CEP20: variants seen among roughly 807,000 people sequenced by gnomAD.
CEP20 encodes FGFR1OP N-terminal like.
Under a neutral mutation model 20.0 loss-of-function variants are expected in CEP20, and 18 were observed. The observed-to-expected ratio is 0.90, with a 90% CI of 0.62 to 1.34. The LOEUF is 1.34. CEP20 is among the 40% of genes most tolerant of loss of function. CEP20 has a pLI of 0.00. For synonymous variants in CEP20, 77 were observed against 73.7 expected, an observed-to-expected ratio of 1.04 and a Z score of -0.23; for missense variants, 215 against 201.6, an observed-to-expected ratio of 1.07 and a Z score of -0.40.
intron 4 of CEP20, among the ~76,000 whole-genome samples, chr16:15,871,555 A>G (rs575552017): frequency 1.3e-5 from 2 of 152,308 alleles, no homozygotes; most frequent in South Asian, 2.1e-4. Context: ...GAGAATTTGG[A>G]AAACTTCTCC....
chr16:15,875,924 C>G (rs1418168253), intron 3 of CEP20, among the ~76,000 whole-genome samples: 1 of 151,324 alleles, frequency 6.6e-6, no homozygotes, highest in Non-Finnish European at 1.5e-5. Context: ...CATGGAGAAA[C>G]CCCGTATCTA....
At chr16:15,885,245 G>A (rs2045211996) in intron 1 of CEP20, among the ~76,000 whole-genome samples, 1 of 151,600 alleles carries the variant, frequency 6.6e-6, no homozygotes, top group Admixed American at 6.6e-5. Context: ...GAGGTGGAGG[G>A]TGCAGTGAGC....
rs1445128148 is a variant in CEP20, at chr16:15,882,766, T to TACACA, written c.226+1241_226+1242insTGTGT. Among the ~76,000 whole-genome samples the TACACA allele has an allele frequency of 2.0e-3, 215 of 105,690 alleles. 1 individual carries two copies. In the East Asian group the frequency reaches 0.039, roughly 19 times the overall value. 69.3% of individuals were successfully genotyped at this position (105,690 alleles called of 152,430 possible). On this transcript the variant is annotated intron_variant, in intron 2 of 4. Coordinates refer to ENST00000255759, the MANE Select transcript of CEP20 (RefSeq NM_144600.4). ...ATCTATCTATCTATCTATCTATCTATCTATCTATCTATCTAGATACACACA... is the reference window on the plus strand; with the variant it reads ...ATCTATCTATCTATCTATCTATCTATACACACTATCTATCTATCTAGATACACACA...
chr16:15,874,837 C>T (rs577370377), intron 3 of CEP20, among the ~76,000 whole-genome samples: 1 of 152,268 alleles, frequency 6.6e-6, no homozygotes, highest in African/African-American at 2.4e-5. Context: ...GTGGTAATGG[C>T]CCTGCAGCTT....
chr16:15,876,423 C>T (rs1482151190), intron 3 of CEP20, among the ~76,000 whole-genome samples: 13 of 151,394 alleles, frequency 8.6e-5, no homozygotes, highest in Admixed American at 3.3e-4. Flanking sequence ...TGCCGTGAGC[C>T]GAGATCACGC....
At chr16:15,882,845 T>G (rs2045139817) in intron 2 of CEP20, 1 of 149,238 alleles carries the variant, frequency 6.7e-6, no homozygotes, top group African/African-American at 2.5e-5. Context: ...ACAGGGACAG[T>G]TTTTTTTCTT....
At chr16:15,882,156 T>C (rs12598880) in intron 2 of CEP20, among the ~76,000 whole-genome samples, 10,529 of 152,248 alleles carry the variant, frequency 0.069, 485 homozygotes, top group East Asian at 0.22. Flanking sequence ...ACGTGCTTGC[T>C]GCAGTGAGCA....
In CEP20 at chr16:15,867,423, A is replaced by T. The variant is rs1411735300; in HGVS notation, c.*17T>A. 1 of 1,558,984 alleles carries T rather than the reference A, an allele frequency of 6.4e-7. No individual in the cohort carries two copies. The highest frequency in any genetic ancestry group is 2.3e-5 in the East Asian group (1 of 44,008). On this transcript the variant is annotated 3_prime_UTR_variant, in exon 5 of 5. Coordinates refer to ENST00000255759, the MANE Select transcript of CEP20 (RefSeq NM_144600.4). ...TAATAATACAATTTTAAGACAAAAGATACCCCAAACAAAGCATTATCTGTT... is the reference window on the plus strand; with the variant it reads ...TAATAATACAATTTTAAGACAAAAGTTACCCCAAACAAAGCATTATCTGTT...
chr16:15,876,197 T>C (rs559906370), intron 3 of CEP20, among the ~76,000 whole-genome samples: 53 of 147,258 alleles, frequency 3.6e-4, no homozygotes, highest in African/African-American at 1.3e-3. Flanking sequence ...AGAATTGAAG[T>C]CTTGGGCCGA....
At chr16:15,883,691 C>T (rs866824071) in intron 2 of CEP20, among the ~76,000 whole-genome samples, 1 of 152,062 alleles carries the variant, frequency 6.6e-6, no homozygotes, top group Non-Finnish European at 1.5e-5. Flanking sequence ...TATACTTAAT[C>T]AGCGTATATT....
At position 15,866,290 on chromosome 16, in the gene CEP20, T is replaced by C. The variant is rs1402694951; in HGVS notation, c.*1150A>G. 2 of 152,184 alleles carry C rather than the reference T, an allele frequency of 1.3e-5. No homozygotes were observed. The highest frequency in any genetic ancestry group is 4.8e-5 in the African/African-American group (2 of 41,448). 9.4% of individuals were successfully genotyped at this position (152,184 alleles called of 1,614,324 possible). Reference sequence around the variant, plus strand: ...CACAGAATTGACACCCTAAAGAGGATGCCAATTTTGCTAACTACAGCTCTT... The same window carrying C: ...CACAGAATTGACACCCTAAAGAGGACGCCAATTTTGCTAACTACAGCTCTT... On this transcript the variant is annotated 3_prime_UTR_variant, in exon 5 of 5. Coordinates refer to ENST00000255759, the MANE Select transcript of CEP20 (RefSeq NM_144600.4).
intron 4 of CEP20, among the ~76,000 whole-genome samples, chr16:15,872,313 CAAA>C (rs200581304): frequency 8.7e-6 from 1 of 114,390 alleles, no homozygotes. Flanking sequence ...GACTCTGTCT[CAAA>C]AAAAAAAAAA....
intron 4 of CEP20, among the ~76,000 whole-genome samples, chr16:15,868,211 C>T (rs922889393): frequency 6.7e-6 from 1 of 150,300 alleles, no homozygotes; most frequent in African/African-American, 2.5e-5. Context: ...CAATGAAAAC[C>T]ACTTCAAATA....
intron 3 of CEP20, among the ~76,000 whole-genome samples, chr16:15,876,454 G>A (rs1451245479): frequency 2.0e-5 from 3 of 151,020 alleles, no homozygotes; most frequent in East Asian, 3.9e-4. Context: ...CAGCCTGGAC[G>A]ACAGAGTGAG....
At chr16:15,868,221 A>AG (rs142211556) in intron 4 of CEP20, among the ~76,000 whole-genome samples, 10,175 of 151,910 alleles carry the variant, frequency 0.067, 459 homozygotes, top group East Asian at 0.22. Flanking sequence ...CACTTCAAAT[A>AG]GATCACCTGA....
chr16:15,882,729 T>TTC (rs1438012114), intron 2 of CEP20, among the ~76,000 whole-genome samples: 1 of 133,274 alleles, frequency 7.5e-6, no homozygotes, highest in East Asian at 2.1e-4. Flanking sequence ...TTTATCTCCA[T>TTC]TATATCTATC....
chr16:15,868,560 A>G (rs1208494566), intron 4 of CEP20, among the ~76,000 whole-genome samples: 2 of 152,352 alleles, frequency 1.3e-5, no homozygotes, highest in Admixed American at 6.5e-5. Flanking sequence ...AACAACTTTG[A>G]TAATAGGAAA....
chr16:15,875,260 T>G (rs2044916165), intron 3 of CEP20, among the ~76,000 whole-genome samples: 1 of 152,206 alleles, frequency 6.6e-6, no homozygotes, highest in Admixed American at 6.5e-5. Context: ...AACAGGTCTC[T>G]TTGTTTACTT....
chr16:15,875,591 C>T (rs764246040), intron 3 of CEP20, among the ~76,000 whole-genome samples: 12 of 152,098 alleles, frequency 7.9e-5, no homozygotes, highest in Non-Finnish European at 1.3e-4. Flanking sequence ...GGAGAGGCAA[C>T]TTGCAAATTC....
Sources: allele counts gnomAD v4.1 joint callset (sites outside exome capture counted in the v4.1 genomes callset), GRCh38; gene constraint gnomAD v4.1.1; transcripts MANE v1.5; gene names NCBI Gene and HGNC (gene_info 2026-07-23, HGNC 2026-07-21).